LIAS: variants seen among roughly 807,000 people sequenced by gnomAD.
LIAS encodes lipoyl synthase, mitochondrial.
LIAS carries 36 observed loss-of-function variants against 49.4 expected under a neutral mutation model. That is an observed-to-expected ratio of 0.73 (90% CI 0.56 to 0.96). The LOEUF (loss-of-function observed/expected upper bound fraction) is 0.96. Among genes scored for constraint, LIAS ranks in the 40% least tolerant of loss-of-function variants. LIAS has a pLI of 0.00. For synonymous variants in LIAS, 145 were observed against 155.8 expected (o/e 0.93, Z 0.52); for missense variants, 399 against 456.3 (o/e 0.87, Z 1.14).
chr4:39,459,273 C>A, intron 1 of LIAS, 111 bp downstream of exon 1: 1 of 939,582 alleles, frequency 1.1e-6, no homozygotes. Context: ...TTACTACTAG[C>A]CAACGGCAGT....
intron 4 of LIAS, among the ~76,000 whole-genome samples, chr4:39,464,727 C>G (rs1041945848): frequency 6.6e-6 from 1 of 152,204 alleles, no homozygotes; most frequent in Admixed American, 6.5e-5. Context: ...AATCCTCTCA[C>G]CTCAGCTTCC....
intron 7 of LIAS, among the ~76,000 whole-genome samples, chr4:39,468,709 T>C (rs1471706333): frequency 1.3e-5 from 2 of 149,822 alleles, no homozygotes; most frequent in Non-Finnish European, 3.0e-5. Context: ...TGAAACCCCA[T>C]CTCTACTAAA....
At chr4:39,469,007 A>C (rs1036544139) in intron 7 of LIAS, 1 of 152,230 alleles carries the variant, frequency 6.6e-6, no homozygotes. Context: ...GTAAGAAAAA[A>C]AGTAAGGATT....
At position 39,477,018 on chromosome 4, in the gene LIAS, T is replaced by C. The variant is rs771479346; in HGVS notation, c.1067-45T>C. The C allele has an allele frequency of 1.3e-5, 17 of 1,259,716 alleles. No homozygotes were observed. The Admixed American group carries it at 3.2e-4, about 24-fold the overall frequency. 78.0% of individuals were successfully genotyped at this position (1,259,716 alleles called of 1,614,324 possible). ...TTCTGAAATAGTTGTCTCACTGTTATTTACTTTAAATTGATATTAATGTGT... is the reference window on the plus strand; with the variant it reads ...TTCTGAAATAGTTGTCTCACTGTTACTTACTTTAAATTGATATTAATGTGT... On this transcript the variant is annotated intron_variant, in intron 10 of 10. Coordinates refer to ENST00000640888, the MANE Select transcript of LIAS (RefSeq NM_006859.4).
In LIAS at chr4:39,477,171, T is replaced by TA. The variant is rs1334139240; in HGVS notation, c.*58dup. 2.2e-6 allele frequency: 3 copies of TA among 1,358,740 alleles called. No individual in the cohort carries two copies. Among genetic ancestry groups the TA allele is most frequent in the East Asian group, 4.7e-5 (2 of 42,886 alleles). The allele number at this position is 1,358,740 out of a possible 1,614,324, so 84.2% of individuals were successfully genotyped here. A position where few individuals can be genotyped will look rare whatever the true frequency, so the allele number is the denominator to read the frequency against. On this transcript the variant is annotated 3_prime_UTR_variant, in exon 11 of 11. Coordinates refer to ENST00000640888, the MANE Select transcript of LIAS (RefSeq NM_006859.4). The stretch of plus-strand genomic sequence containing the variant: ...ATTTTTAAAATTTGATTCCAGTTAA[T>TA]AACAGAGGTGGTGCCAGAATGCCTG...
At chr4:39,464,128 C>T (rs1050321887) in intron 4 of LIAS, 1 of 151,976 alleles carries the variant, frequency 6.6e-6, no homozygotes, top group Non-Finnish European at 1.5e-5. Flanking sequence ...CCCAGGAGTT[C>T]AAGACCAGCT....
Position 39,463,673 on chromosome 4 carries a change from C to G in LIAS, c.393+68C>G. The G allele has an allele frequency of 2.0e-6, 3 of 1,507,694 alleles. No homozygotes were observed. In the South Asian group the frequency reaches 3.9e-5, roughly 19 times the overall value. The allele number at this position is 1,507,694 out of a possible 1,614,324, so 93.4% of individuals were successfully genotyped here. On this transcript the variant is annotated intron_variant, in intron 4 of 10. Coordinates refer to ENST00000640888, the MANE Select transcript of LIAS (RefSeq NM_006859.4). Reference sequence around the variant, plus strand: ...AAAGGGACTATTTTGTGTCTTCCTCCTAAAAATGTGCATTATGAATCTCTG... The same window carrying G: ...AAAGGGACTATTTTGTGTCTTCCTCGTAAAAATGTGCATTATGAATCTCTG...
rs545609288 is a variant in LIAS at position 39,471,090 on chromosome 4, A to G, written c.884-146A>G. The G allele has an allele frequency of 4.7e-5, 28 of 601,386 alleles. No individual in the cohort carries two copies. In the South Asian group the frequency reaches 5.1e-4, roughly 11 times the overall value. 37.3% of individuals were successfully genotyped at this position (601,386 alleles called of 1,614,324 possible). A position where few individuals can be genotyped will look rare whatever the true frequency, so the allele number is the denominator to read the frequency against. On this transcript the variant is annotated intron_variant, in intron 8 of 10. Transcript: ENST00000640888. The stretch of plus-strand genomic sequence containing the variant: ...CAGTCCCTGGCACATAATACTTTTG[A>G]ATGAATAGATGTTGTCTTATTCCCC...
In LIAS at chr4:39,465,083, G is replaced by A; in HGVS notation, c.431G>A (p.Cys144Tyr). Residue 144 changes from cysteine to tyrosine, a missense_variant, in exon 5 of 11, where the codon TGT becomes TAT. Physicochemically the swap from Cys to Tyr is radical, Grantham distance 194. Coordinates refer to ENST00000640888, the MANE Select transcript of LIAS (RefSeq NM_006859.4). ...GDTCTRGCRF[C>Y]SVKTARNPPP... Reference sequence around the variant, plus strand: ...ACATGTACAAGAGGTTGCAGATTTTGTTCTGTTAAGACTGCAAGAAATCCT... The same window carrying A: ...ACATGTACAAGAGGTTGCAGATTTTATTCTGTTAAGACTGCAAGAAATCCT... The A allele has an allele frequency of 6.2e-6, 10 of 1,614,078 alleles. No individual in the cohort carries two copies. Among genetic ancestry groups the A allele is most frequent in the Non-Finnish European group, 7.6e-6 (9 of 1,180,010 alleles).
chr4:39,475,439 AGTG>A (rs758964290), intron 10 of LIAS: 6 of 151,948 alleles, frequency 3.9e-5, no homozygotes, highest in Non-Finnish European at 5.9e-5. Flanking sequence ...TTTTATCTAA[AGTG>A]GTGATGTTTT....
Position 39,462,121 on chromosome 4 carries a change from A to C in LIAS, c.219-75A>C, listed in dbSNP as rs1028853082. On this transcript the variant is annotated intron_variant, in intron 2 of 10. Coordinates refer to ENST00000640888, the MANE Select transcript of LIAS (RefSeq NM_006859.4). ...ATTATTAACTAGGAATTGTAATAGA[A>C]GAAATTAACTTCAAAGCTGTGTAAT... is the stretch of plus-strand genomic sequence containing the variant. 1.0e-5 allele frequency: 6 copies of C among 580,414 alleles called. No individual in the cohort carries two copies. The Admixed American group carries it at 1.7e-4, about 17-fold the overall frequency. 36.0% of individuals were successfully genotyped at this position (580,414 alleles called of 1,614,324 possible). A position where few individuals can be genotyped will look rare whatever the true frequency, so the allele number is the denominator to read the frequency against.
At chr4:39,474,565 G>A (rs917094570) in intron 10 of LIAS, among the ~76,000 whole-genome samples, 22 of 151,888 alleles carry the variant, frequency 1.4e-4, no homozygotes, top group Non-Finnish European at 2.5e-4. Context: ...GAGCAACATT[G>A]TGAGATCTCA....
At chr4:39,465,444 A>G (rs1022823232) in intron 6 of LIAS, 102 bp downstream of exon 6, 4 of 970,720 alleles carry the variant, frequency 4.1e-6, no homozygotes, top group Non-Finnish European at 6.0e-6. Flanking sequence ...CTTTTTGAGG[A>G]GTTTCATAGT....
At chr4:39,459,835 C>T (rs1159914995) in intron 1 of LIAS, among the ~76,000 whole-genome samples, 2 of 152,104 alleles carry the variant, frequency 1.3e-5, no homozygotes. Context: ...TGGCGTGCGC[C>T]TGTAGTCCCA....
In LIAS at chr4:39,470,126, T is replaced by C; in HGVS notation, c.845T>C (p.Leu282Ser). The C allele has an allele frequency of 1.2e-6, 2 of 1,613,878 alleles. No individual in the cohort carries two copies. The highest frequency in any genetic ancestry group is 1.7e-6 in the Non-Finnish European group (2 of 1,179,850). ...TCTAAAACATCTATAATGTTGGGTT[T>C]AGGCGAGAATGATGAGCAAGTATAT... ...VISKTSIMLG[L>S]GENDEQVYAT... Residue 282 changes from leucine to serine, a missense_variant, in exon 8 of 11, where the codon TTA (leucine) becomes TCA (serine). Leu to Ser is a moderately radical substitution (Grantham distance 145). This residue lies in a region of LIAS where 234 missense variants were observed against 292.2 expected (regional missense o/e 0.80). Coordinates refer to ENST00000640888, the MANE Select transcript of LIAS (RefSeq NM_006859.4).
chr4:39,460,766 C>A (rs144986962), intron 1 of LIAS, 24 bp from the exon 2 acceptor site: 1 of 1,532,790 alleles, frequency 6.5e-7, no homozygotes, highest in Middle Eastern at 1.7e-4. Flanking sequence ...ACTAAATAAA[C>A]GTCATAATTA....
chr4:39,472,931 A>G (rs892595185), intron 9 of LIAS, among the ~76,000 whole-genome samples, 169 bp from the exon 10 acceptor site: 4 of 152,192 alleles, frequency 2.6e-5, no homozygotes, highest in African/African-American at 9.6e-5. Context: ...AGAGTGGCCA[A>G]AAAGTAACCA....
At chr4:39,460,678 A>G in intron 1 of LIAS, 112 bp from the exon 2 acceptor site, 1 of 782,606 alleles carries the variant, frequency 1.3e-6, no homozygotes, top group Non-Finnish European at 2.0e-6. Context: ...AGTTTGACAT[A>G]ATTTCTGAAT....
At chr4:39,472,480 C>G (rs928996362) in intron 9 of LIAS, among the ~76,000 whole-genome samples, 5 of 152,146 alleles carry the variant, frequency 3.3e-5, no homozygotes, top group African/African-American at 4.8e-5. Context: ...TTTGCTGCCT[C>G]CCCCATTCTC....
Sources: allele counts gnomAD v4.1 joint callset (sites outside exome capture counted in the v4.1 genomes callset), GRCh38; gene constraint gnomAD v4.1.1; regional missense constraint gnomAD v4.1.1; transcripts MANE v1.5; gene names NCBI Gene and HGNC (gene_info 2026-07-23, HGNC 2026-07-21).